MIS18A: variants seen among roughly 807,000 people sequenced by gnomAD.
The protein encoded by MIS18A is MIS18 kinetochore protein A.
A neutral mutation model predicts 25.0 loss-of-function variants in MIS18A; 14 were observed. The ratio of observed to expected loss-of-function variants is 0.56; its 90% CI spans 0.37 to 0.88. The LOEUF (loss-of-function observed/expected upper bound fraction) is 0.88. Among genes scored for constraint, MIS18A ranks in the 40% least tolerant of loss-of-function variants. The pLI is 0.00. For synonymous variants in MIS18A, 134 were observed against 118.6 expected (o/e 1.13, Z -0.84); for missense variants, 292 against 290.8 (o/e 1.00, Z -0.03).
At chr21:32,226,533 T>A in the MIS18A span, among the ~76,000 whole-genome samples, 28 of 151,964 alleles carry the variant, frequency 1.8e-4, no homozygotes, top group African/African-American at 6.5e-4. Flanking sequence ...TATCAATCTA[T>A]CAGAAAGAAA....
the MIS18A span, among the ~76,000 whole-genome samples, chr21:32,211,023 G>A: frequency 6.6e-6 from 1 of 152,140 alleles, no homozygotes; most frequent in Non-Finnish European, 1.5e-5. Context: ...GTCCACAAAA[G>A]CCAACCAATA....
chr21:32,262,143 A>C, the MIS18A span, among the ~76,000 whole-genome samples: 20 of 152,354 alleles, frequency 1.3e-4, no homozygotes, highest in East Asian at 3.7e-3. Context: ...TGCATGTGTA[A>C]AATGGGTATG....
At chr21:32,183,181 A>G in the MIS18A span, among the ~76,000 whole-genome samples, 2 of 152,154 alleles carry the variant, frequency 1.3e-5, no homozygotes, top group Non-Finnish European at 2.9e-5. Flanking sequence ...AGTCCATTGA[A>G]CCAATGTCAT....
downstream of MIS18A, among the ~76,000 whole-genome samples, chr21:32,265,972 A>C (rs1387878667): frequency 2.0e-5 from 3 of 152,160 alleles, no homozygotes; most frequent in African/African-American, 4.8e-5. Flanking sequence ...TAAATACACC[A>C]ATCAGCACCC....
At chr21:32,229,264 A>G in the MIS18A span, among the ~76,000 whole-genome samples, 1 of 152,234 alleles carries the variant, frequency 6.6e-6, no homozygotes, top group Non-Finnish European at 1.5e-5. Flanking sequence ...GGACATAGTC[A>G]TTTTAACCAA....
At chr21:32,252,332 G>A in the MIS18A span, among the ~76,000 whole-genome samples, 1 of 143,314 alleles carries the variant, frequency 7.0e-6, no homozygotes, top group African/African-American at 2.6e-5. Context: ...AGGAAGGAAG[G>A]AAAGAATGAA....
At chr21:32,249,089 C>T in the MIS18A span, among the ~76,000 whole-genome samples, 2 of 152,208 alleles carry the variant, frequency 1.3e-5, no homozygotes, top group African/African-American at 4.8e-5. Flanking sequence ...ACTTCCCAGG[C>T]TGATCGAGAC....
chr21:32,234,153 TAC>T, the MIS18A span, among the ~76,000 whole-genome samples: 1 of 152,226 alleles, frequency 6.6e-6, no homozygotes, highest in Non-Finnish European at 1.5e-5. Flanking sequence ...GGGGAAATAG[TAC>T]AGGGACTCTT....
the MIS18A span, chr21:32,260,456 G>C: frequency 6.5e-6 from 1 of 152,928 alleles, no homozygotes; most frequent in Non-Finnish European, 1.5e-5. Flanking sequence ...TAGAAACTCA[G>C]GACCAGGGAC....
the MIS18A span, among the ~76,000 whole-genome samples, chr21:32,181,455 G>C: frequency 6.6e-6 from 1 of 152,120 alleles, no homozygotes; most frequent in Non-Finnish European, 1.5e-5. Context: ...CTAATACATG[G>C]GGAATAATGA....
chr21:32,158,716 C>G, the MIS18A span, among the ~76,000 whole-genome samples: 1 of 152,168 alleles, frequency 6.6e-6, no homozygotes, highest in East Asian at 1.9e-4. Flanking sequence ...CTCAGGTGAT[C>G]TGCCTGCCTT....
the MIS18A span, among the ~76,000 whole-genome samples, chr21:32,227,374 A>C: frequency 1.3e-5 from 2 of 152,048 alleles, no homozygotes; most frequent in African/African-American, 4.8e-5. Flanking sequence ...GATATAGGGA[A>C]TGTTACTACT....
chr21:32,200,336 T>C, the MIS18A span, among the ~76,000 whole-genome samples: 1 of 152,204 alleles, frequency 6.6e-6, no homozygotes, highest in Non-Finnish European at 1.5e-5. Flanking sequence ...TCTAGATCAA[T>C]TGTGGGTTGG....
the MIS18A span, among the ~76,000 whole-genome samples, chr21:32,234,248 G>A: frequency 1.3e-5 from 2 of 152,188 alleles, no homozygotes; most frequent in African/African-American, 4.8e-5. Flanking sequence ...AGAGAGACCA[G>A]AGGTGGTTGG....
intron 2 of MIS18A, among the ~76,000 whole-genome samples, chr21:32,271,215 C>G (rs2031708756): frequency 6.6e-6 from 1 of 152,150 alleles, no homozygotes; most frequent in African/African-American, 2.4e-5. Context: ...CCAAATTTAC[C>G]ATTCTATAAA....
chr21:32,194,911 G>A, the MIS18A span, among the ~76,000 whole-genome samples: 1 of 152,108 alleles, frequency 6.6e-6, no homozygotes, highest in Non-Finnish European at 1.5e-5. Flanking sequence ...TGGGAAGGGG[G>A]TGAGGGATGA....
chr21:32,182,490 C>T, the MIS18A span, among the ~76,000 whole-genome samples: 1 of 152,172 alleles, frequency 6.6e-6, no homozygotes, highest in Non-Finnish European at 1.5e-5. Flanking sequence ...GCAGGTTCTC[C>T]CTCCTTTTCT....
intron 2 of MIS18A, among the ~76,000 whole-genome samples, chr21:32,273,639 A>AT: frequency 6.6e-6 from 1 of 152,302 alleles, no homozygotes; most frequent in East Asian, 1.9e-4. Flanking sequence ...TACCACATGT[A>AT]TAAGTTGAAA....
chr21:32,269,604 C>T, intron 4 of MIS18A, 103 bp downstream of exon 4: 1 of 675,172 alleles, frequency 1.5e-6, no homozygotes, highest in East Asian at 2.8e-5. Flanking sequence ...ACTCTTCCTG[C>T]AATCAACACA....
Sources: allele counts gnomAD v4.1 joint callset (sites outside exome capture counted in the v4.1 genomes callset), GRCh38; gene constraint gnomAD v4.1.1; transcripts MANE v1.5; gene names NCBI Gene and HGNC (gene_info 2026-07-23, HGNC 2026-07-21).